Variants in PLCE1 observed in about 807,000 individuals in gnomAD.
PLCE1 encodes 1-phosphatidylinositol 4,5-bisphosphate phosphodiesterase epsilon-1.
A neutral mutation model predicts 242.8 loss-of-function variants in PLCE1; 119 were observed. The observed-to-expected ratio is 0.49, with a 90% CI of 0.42 to 0.57. The LOEUF (loss-of-function observed/expected upper bound fraction) is 0.57. PLCE1 is among the 20% of genes least tolerant of loss of function. The pLI, the probability that PLCE1 is intolerant of heterozygous loss-of-function variation, is 0.00. For synonymous variants in PLCE1, 945 were observed against 1,017.4 expected (o/e 0.93, Z 1.35); for missense variants, 2,441 against 2,788.8 (o/e 0.88, Z 2.81).
chr10:94,023,340 T>A (rs2061406085), intron 1 of PLCE1, among the ~76,000 whole-genome samples: 1 of 152,198 alleles, frequency 6.6e-6, no homozygotes, highest in African/African-American at 2.4e-5. Context: ...TTGGTGGGTC[T>A]AGTGCCATCT....
chr10:94,322,300 G>A (rs1467486365), intron 30 of PLCE1, among the ~76,000 whole-genome samples: 2 of 151,898 alleles, frequency 1.3e-5, no homozygotes, highest in Non-Finnish European at 2.9e-5. Flanking sequence ...GCTGCAGTGA[G>A]CTATGACTGG....
chr10:94,087,383 A>C (rs966980739), intron 2 of PLCE1, among the ~76,000 whole-genome samples: 102 of 149,324 alleles, frequency 6.8e-4, no homozygotes, highest in African/African-American at 1.9e-3. Flanking sequence ...AAAATCATTT[A>C]TCATAGAAAA....
intron 2 of PLCE1, among the ~76,000 whole-genome samples, chr10:94,095,389 C>T (rs1191275782): frequency 1.3e-5 from 2 of 152,102 alleles, no homozygotes; most frequent in African/African-American, 4.8e-5. Context: ...CAGGATCTCT[C>T]TCTGTCACCC....
At chr10:94,043,425 T>C (rs1268558149) in intron 2 of PLCE1, among the ~76,000 whole-genome samples, 1 of 152,202 alleles carries the variant, frequency 6.6e-6, no homozygotes, top group Non-Finnish European at 1.5e-5. Context: ...TTTAATAGAA[T>C]AAGGAATAGA....
At chr10:94,179,799 C>T (rs1317607397) in intron 4 of PLCE1, among the ~76,000 whole-genome samples, 1 of 151,794 alleles carries the variant, frequency 6.6e-6, no homozygotes, top group African/African-American at 2.4e-5. Context: ...CGTCACCACA[C>T]CCGGCCTAAT....
Position 94,252,296 on chromosome 10 carries a change from A to G in PLCE1, c.3097-20A>G. 1 of 1,611,638 alleles carries G rather than the reference A, an allele frequency of 6.2e-7. No homozygotes were observed. Among genetic ancestry groups the G allele is most frequent in the Non-Finnish European group, 8.5e-7 (1 of 1,177,858 alleles). On this transcript the variant is annotated intron_variant, in intron 8 of 32. Coordinates refer to ENST00000371380, the MANE Select transcript of PLCE1 (RefSeq NM_016341.4). ...TTGCTTGATGCTTCCTATTGTGTTCACCATGTGGCTCTTTCACAGGAGGAT... is the reference window on the plus strand; with the variant it reads ...TTGCTTGATGCTTCCTATTGTGTTCGCCATGTGGCTCTTTCACAGGAGGAT...
At chr10:94,322,555 C>T (rs879367168) in intron 30 of PLCE1, among the ~76,000 whole-genome samples, 19 of 151,966 alleles carry the variant, frequency 1.3e-4, no homozygotes, top group Non-Finnish European at 2.1e-4. Flanking sequence ...GGGGCCAAGG[C>T]GGGTGGATTG....
chr10:94,022,988 T>C (rs1012167764), intron 1 of PLCE1, among the ~76,000 whole-genome samples: 3 of 152,162 alleles, frequency 2.0e-5, no homozygotes, highest in Non-Finnish European at 4.4e-5. Context: ...AAGATGCATG[T>C]TCTTCAGGGG....
intron 19 of PLCE1, among the ~76,000 whole-genome samples, chr10:94,274,161 C>T (rs188769155): frequency 3.2e-4 from 48 of 152,152 alleles, no homozygotes; most frequent in African/African-American, 8.7e-4. Context: ...GGCCCAGATC[C>T]GGACAACAGA....
At chr10:94,155,058 T>C (rs2047387918) in intron 3 of PLCE1, among the ~76,000 whole-genome samples, 1 of 152,064 alleles carries the variant, frequency 6.6e-6, no homozygotes, top group Non-Finnish European at 1.5e-5. Flanking sequence ...GTACAACCCC[T>C]GTAGGAAACA....
intron 2 of PLCE1, among the ~76,000 whole-genome samples, chr10:94,050,536 C>G (rs1453548567): frequency 6.6e-6 from 1 of 152,020 alleles, no homozygotes; most frequent in Non-Finnish European, 1.5e-5. Context: ...TACTTAAGAT[C>G]CTGGCCATTT....
intron 32 of PLCE1, among the ~76,000 whole-genome samples, chr10:94,327,259 A>G (rs2054057486): frequency 6.6e-6 from 1 of 152,146 alleles, no homozygotes; most frequent in Admixed American, 6.5e-5. Context: ...TTTTCAAGAA[A>G]GAGCACTTGT....
chr10:94,000,243 A>G (rs1323827639), intron 1 of PLCE1, among the ~76,000 whole-genome samples: 1 of 152,224 alleles, frequency 6.6e-6, no homozygotes, highest in Non-Finnish European at 1.5e-5. Flanking sequence ...GATGTACAAG[A>G]AATATAACTG....
chr10:94,290,352 A>G (rs1326946626), intron 22 of PLCE1, among the ~76,000 whole-genome samples: 2 of 145,540 alleles, frequency 1.4e-5, no homozygotes, highest in Admixed American at 1.4e-4. Flanking sequence ...TTTTTTTCCC[A>G]TTCTGTGACT....
intron 3 of PLCE1, among the ~76,000 whole-genome samples, chr10:94,135,999 G>A (rs1281152748): frequency 6.6e-6 from 1 of 152,106 alleles, no homozygotes; most frequent in Admixed American, 6.6e-5. Context: ...AAGGATGGAA[G>A]GAGGTAGCAC....
intron 2 of PLCE1, among the ~76,000 whole-genome samples, chr10:94,114,840 C>A (rs1212204363): frequency 6.6e-6 from 1 of 151,674 alleles, no homozygotes; most frequent in Non-Finnish European, 1.5e-5. Flanking sequence ...CATATGTATA[C>A]ATGTGCCATG....
In PLCE1 at chr10:94,227,489, C is replaced by T. The variant is rs1225455879; in HGVS notation, c.1955+38C>T. ...GGGAATATGGTTATCTTGGCACAAT[C>T]GCTTCTCATCACCTGAATGGCACTG... On this transcript the variant is annotated intron_variant, in intron 5 of 32. Coordinates refer to ENST00000371380, the MANE Select transcript of PLCE1 (RefSeq NM_016341.4). The T allele has an allele frequency of 1.9e-6, 3 of 1,583,388 alleles. No homozygotes were observed. The Admixed American group carries it at 5.0e-5, about 26-fold the overall frequency.
chr10:94,188,302 A>C (rs2048546127), intron 4 of PLCE1, among the ~76,000 whole-genome samples: 1 of 152,190 alleles, frequency 6.6e-6, no homozygotes, highest in African/African-American at 2.4e-5. Context: ...TTGCTGTATA[A>C]AATATGTTTT....
chr10:94,154,817 T>C (rs2047378224), intron 3 of PLCE1, among the ~76,000 whole-genome samples: 1 of 151,300 alleles, frequency 6.6e-6, no homozygotes, highest in Non-Finnish European at 1.5e-5. Flanking sequence ...GGTGGAAAGA[T>C]TGCTTGAGGC....
Sources: gnomAD v4.1 joint callset for allele counts (sites outside exome capture counted in the v4.1 genomes callset) on GRCh38, gnomAD v4.1.1 for gene constraint, MANE v1.5 for transcripts, NCBI Gene and HGNC (gene_info 2026-07-23, HGNC 2026-07-21) for gene names.